The following TRIP13 variants were observed in gnomAD, a reference collection of about 807,000 sequenced individuals.
The protein encoded by TRIP13 is thyroid hormone receptor interactor 13, also known as pachytene checkpoint protein 2 homolog.
Under a neutral mutation model 54.4 loss-of-function variants are expected in TRIP13, and 25 were observed. That is an observed-to-expected ratio of 0.46 (90% CI 0.33 to 0.64). TRIP13 has a LOEUF of 0.64. TRIP13 is among the 30% of genes least tolerant of loss of function. The pLI is 0.02. For missense variants in TRIP13, 373 were observed against 534.2 expected (o/e 0.70, Z 2.97); for synonymous variants, 207 against 207.8 (o/e 1.00, Z 0.03).
At position 894,803 on chromosome 5, in the gene TRIP13, G is replaced by A. The variant is rs1306788114; in HGVS notation, c.109G>A (p.Asp37Asn). The stretch of plus-strand genomic sequence containing the variant: ...TTTTTTTAGCACTGCAAAGAAAGAA[G>A]ACATAAACCTGAGTGTTAGAAAGCT... ...QRGSSTAKKE[D>N]INLSVRKLLN... The change falls in exon 2 of 13, where the codon GAC (aspartate) becomes AAC (asparagine). Residue 37 changes from aspartate (D) to asparagine (N), a missense_variant. Asp to Asn is a conservative substitution (Grantham distance 23). Coordinates refer to ENST00000166345, the MANE Select transcript of TRIP13 (RefSeq NM_004237.4). The A allele has an allele frequency of 6.2e-7, 1 of 1,604,286 alleles. No homozygotes were observed. The highest frequency in any genetic ancestry group is 2.2e-5 in the East Asian group (1 of 44,742).
chr5:900,373 T>A lies in TRIP13; in HGVS notation c.389-121T>A, dbSNP rs1753957303. On this transcript the variant is annotated intron_variant, in intron 3 of 12. Transcript: ENST00000166345. ...AATTTATACTTTCCTGTAATCAGAA[T>A]CATAGTCTTGCCTGGAGCAGCACAA... 4 of 944,710 alleles carry A rather than the reference T, an allele frequency of 4.2e-6. No individual in the cohort carries two copies. The East Asian group carries it at 1.1e-4, about 25-fold the overall frequency. 58.5% of individuals were successfully genotyped at this position (944,710 alleles called of 1,614,324 possible). A position where few individuals can be genotyped will look rare whatever the true frequency, so the allele number is the denominator to read the frequency against.
In TRIP13 at chr5:917,092, G is replaced by A. The variant is rs150874519; in HGVS notation, c.1288G>A (p.Ala430Thr). The change falls in exon 13 of 13, where the codon GCT becomes ACT. Residue 430 changes from alanine (A) to threonine (T), a missense_variant. Around this residue, in one of 4 missense-constraint regions of TRIP13, gnomAD observed 101 missense variants for 138.5 expected, o/e 0.73. Transcript: ENST00000166345. ...KQFEERKKLA[A>T]YI ...GTTTGAAGAGAGAAAGAAGCTTGCA[G>A]CTTACATCTGATCCTGGGCTTCCCC... The A allele has an allele frequency of 3.1e-6, 5 of 1,613,882 alleles. No individual in the cohort carries two copies. In the African/African-American group the frequency reaches 6.7e-5, roughly 22 times the overall value.
intron 1 of TRIP13, among the ~76,000 whole-genome samples, chr5:893,453 G>A (rs1368083437): frequency 2.0e-5 from 3 of 152,236 alleles, no homozygotes; most frequent in African/African-American, 7.2e-5. Flanking sequence ...GGATGGCTGC[G>A]CATTACAGAG....
rs766198924 is a variant in TRIP13 at position 916,977 on chromosome 5, G to A, written c.1204-31G>A. On this transcript the variant is annotated intron_variant, in intron 12 of 12. Transcript: ENST00000166345. Reference sequence around the variant, plus strand: ...GATGGCCCCACCAAACGTGAGTTGAGCCCCTCCAGCAATGACCGTGTACCT... The same window carrying A: ...GATGGCCCCACCAAACGTGAGTTGAACCCCTCCAGCAATGACCGTGTACCT... 8.1e-6 allele frequency: 13 copies of A among 1,604,216 alleles called. No homozygotes were observed. In the South Asian group the frequency reaches 1.2e-4, roughly 15 times the overall value.
At chr5:905,769 G>A (rs1335730751) in intron 6 of TRIP13, among the ~76,000 whole-genome samples, 1 of 152,204 alleles carries the variant, frequency 6.6e-6, no homozygotes, top group Non-Finnish European at 1.5e-5. Flanking sequence ...CGGAAATCCT[G>A]TGAGGTTTAA....
At chr5:894,094 G>A (rs1753813519) in intron 1 of TRIP13, among the ~76,000 whole-genome samples, 1 of 152,238 alleles carries the variant, frequency 6.6e-6, no homozygotes, top group South Asian at 2.1e-4. Flanking sequence ...GTCGCTGCTT[G>A]TAGGGTGCTG....
rs1260583414 is a variant in TRIP13, at chr5:911,338, G to A, written c.867-505G>A. On this transcript the variant is annotated intron_variant, in intron 9 of 12. Transcript: ENST00000166345. The surrounding 1 kb of genome is among the most constrained non-coding windows in gnomAD (Gnocchi z 4.7). ...TGTAATCCCAGCACTTTGGGAGGCC[G>A]AGGCAGGCGGATCACGAGGTCAGGA... is the stretch of plus-strand genomic sequence containing the variant. Among the ~76,000 whole-genome samples, 9 of 152,252 alleles carry A rather than the reference G, an allele frequency of 5.9e-5. No homozygotes were observed. The highest frequency in any genetic ancestry group is 2.2e-4 in the African/African-American group (9 of 41,566).
rs1201046832 is a variant in TRIP13 at position 908,713 on chromosome 5, C to T, written c.866+252C>T. On this transcript the variant is annotated intron_variant, in intron 9 of 12. Transcript: ENST00000166345. This position sits in a 1 kb window ranked among gnomAD's most constrained non-coding sequence, Gnocchi z 5.2. ...GTGGCTCACACCTGTAATCCCAGCA[C>T]TTTGGGAGGCCGAGGCAGGCGGATC... 2.5e-6 allele frequency: 3 copies of T among 1,205,794 alleles called. No individual in the cohort carries two copies. Among genetic ancestry groups the T allele is most frequent in the Non-Finnish European group, 3.2e-6 (3 of 945,718 alleles). The allele number at this position is 1,205,794 out of a possible 1,614,324, so 74.7% of individuals were successfully genotyped here. A position where few individuals can be genotyped will look rare whatever the true frequency, so the allele number is the denominator to read the frequency against.
Position 904,010 on chromosome 5 carries a change from C to T in TRIP13, c.536-138C>T, listed in dbSNP as rs73020933. On this transcript the variant is annotated intron_variant, in intron 5 of 12. Transcript: ENST00000166345. ...ATTTCATAGCATTTAAGTTTCTAAG[C>T]AGACTTCATTGTAGTAATAACATTA... 9.0e-3 allele frequency: 6,206 copies of T among 689,860 alleles called. 240 individuals carry two copies. The African/African-American group carries it at 0.092, about 10-fold the overall frequency. 42.7% of individuals were successfully genotyped at this position (689,860 alleles called of 1,614,324 possible).
intron 6 of TRIP13, 113 bp downstream of exon 6, chr5:904,333 T>A: frequency 1.2e-6 from 1 of 838,082 alleles, no homozygotes; most frequent in Non-Finnish European, 1.8e-6. Flanking sequence ...CTCTCCACTG[T>A]AAGTCACTTG....
Position 912,015 on chromosome 5 carries a change from T to C in TRIP13, c.1020+19T>C. The C allele has an allele frequency of 1.3e-6, 2 of 1,586,308 alleles. No individual in the cohort carries two copies. Among genetic ancestry groups the C allele is most frequent in the South Asian group, 1.1e-5 (1 of 87,646 alleles). On this transcript the variant is annotated intron_variant, in intron 10 of 12. Coordinates refer to ENST00000166345, the MANE Select transcript of TRIP13 (RefSeq NM_004237.4). This position sits in a 1 kb window ranked among gnomAD's most constrained non-coding sequence, Gnocchi z 7.2. ...GATGAAGGTACCTTTATTTTTTTTT[T>C]CCTCTTGATACAAATGGATTTCTTA... is the stretch of plus-strand genomic sequence containing the variant.
chr5:900,849 G>T (rs979359523), intron 4 of TRIP13, among the ~76,000 whole-genome samples: 3 of 152,184 alleles, frequency 2.0e-5, no homozygotes, highest in African/African-American at 7.2e-5. Context: ...GGAAAGGCCG[G>T]TGTGTCTTAA....
chr5:919,268 C>T (rs554787339), downstream of TRIP13: 1 of 152,216 alleles, frequency 6.6e-6, no homozygotes, highest in Non-Finnish European at 1.5e-5. Context: ...CAGATGAGAT[C>T]TGTGGGTCCA....
chr5:905,638 C>T (rs1326473301), intron 6 of TRIP13, among the ~76,000 whole-genome samples: 3 of 151,478 alleles, frequency 2.0e-5, no homozygotes, highest in Non-Finnish European at 4.4e-5. Flanking sequence ...GGAGTCCCAG[C>T]CCTCACTGCC....
At position 913,938 on chromosome 5, in the gene TRIP13, C is replaced by T. The variant is rs7705137; in HGVS notation, c.1021-527C>T. On this transcript the variant is annotated intron_variant, in intron 10 of 12. Transcript: ENST00000166345. The surrounding 1 kb of genome is among the most constrained non-coding windows in gnomAD (Gnocchi z 4.5). Reference sequence around the variant, plus strand: ...AAGGCTGCTTGGAAAAGCATGACTTCCAGACAAATGATCTCTGAGGGGAAC... The same window carrying T: ...AAGGCTGCTTGGAAAAGCATGACTTTCAGACAAATGATCTCTGAGGGGAAC... Among the ~76,000 whole-genome samples the T allele has an allele frequency of 0.033, 5,049 of 152,266 alleles. 280 individuals are homozygous for T. The highest frequency in any genetic ancestry group is 0.11 in the African/African-American group (4,756 of 41,524).
chr5:893,103 T>A lies in TRIP13; in HGVS notation c.92+13T>A. On this transcript the variant is annotated intron_variant, in intron 1 of 12. Coordinates refer to ENST00000166345, the MANE Select transcript of TRIP13 (RefSeq NM_004237.4). ...AGCGCGGCAGCAGGTGAGCCGGACC[T>A]GTCCGACACATCCTCTGGGCACCCA... 6.3e-7 allele frequency: 1 copy of A among 1,579,940 alleles called. No individual in the cohort carries two copies. Among genetic ancestry groups the A allele is most frequent in the Non-Finnish European group, 8.5e-7 (1 of 1,169,640 alleles).
downstream of TRIP13, chr5:918,157 G>C (rs1754373099): frequency 6.6e-6 from 1 of 152,310 alleles, no homozygotes; most frequent in South Asian, 2.1e-4. This position sits in a 1 kb window ranked among gnomAD's most constrained non-coding sequence, Gnocchi z 4.3. Context: ...ACCTTATGGT[G>C]TAACTGCATC....
In TRIP13 at chr5:917,121, T is replaced by G; in HGVS notation, c.*18T>G. 1 of 1,613,114 alleles carries G rather than the reference T, an allele frequency of 6.2e-7. No individual in the cohort carries two copies. Among genetic ancestry groups the G allele is most frequent in the Non-Finnish European group, 8.5e-7 (1 of 1,179,462 alleles). ...ACATCTGATCCTGGGCTTCCCCATC[T>G]GGTGCTTTTCCCATGGAGAACACAC... On this transcript the variant is annotated 3_prime_UTR_variant, in exon 13 of 13. Transcript: ENST00000166345.
rs13162842 is a variant in TRIP13 at position 892,947 on chromosome 5, G to A, written c.-52G>A. ...CGGCTGTGGCGGCGACGCTGGGCGT[G>A]AGGTGGCGGCGGCCGCGCCCTGGTT... is the stretch of plus-strand genomic sequence containing the variant. On this transcript the variant is annotated 5_prime_UTR_variant, in exon 1 of 13. Transcript: ENST00000166345. The A allele has an allele frequency of 1.5e-5, 22 of 1,421,994 alleles. 1 individual carries two copies. The Admixed American group carries it at 2.8e-4, about 18-fold the overall frequency. 88.1% of individuals were successfully genotyped at this position (1,421,994 alleles called of 1,614,324 possible).
Sources: gnomAD v4.1 joint callset for allele counts (sites outside exome capture counted in the v4.1 genomes callset) on GRCh38, gnomAD v4.1.1 for gene constraint, gnomAD v4.1.1 regional missense constraint, Gnocchi (gnomAD v3.1) non-coding constraint, MANE v1.5 for transcripts, NCBI Gene and HGNC (gene_info 2026-07-23, HGNC 2026-07-21) for gene names.